Variants in RIMS2 observed in about 807,000 individuals in gnomAD.
The protein encoded by RIMS2 is regulating synaptic membrane exocytosis 2.
In RIMS2, 59 loss-of-function variants were observed where a neutral mutation model predicts 174.4. That is an observed-to-expected ratio of 0.34 (90% confidence interval 0.27 to 0.42). The LOEUF (loss-of-function observed/expected upper bound fraction) is 0.42, where lower values mean the gene tolerates loss of function less well. Ranked by LOEUF, RIMS2 falls within the 10% of genes least tolerant of loss-of-function variation. RIMS2 has a pLI of 1.00. For synonymous variants in RIMS2, 606 were observed against 572.5 expected (o/e 1.06, Z -0.84); for missense variants, 1,620 against 1,666.3 (o/e 0.97, Z 0.48).
At chr8:104,015,357 G>C in intron 19 of RIMS2, 1 of 645,302 alleles carries the variant, frequency 1.5e-6, no homozygotes, top group Non-Finnish European at 2.8e-6. Flanking sequence ...TTTAACCCCT[G>C]TGCTTTGGTT....
At chr8:103,598,251 G>A (rs2133607680) in intron 1 of RIMS2, among the ~76,000 whole-genome samples, 1 of 152,208 alleles carries the variant, frequency 6.6e-6, no homozygotes, top group South Asian at 2.1e-4. Context: ...GAGGTGCTTA[G>A]GTCAACTTAA....
chr8:104,243,300 G>A (rs545915079), intron 19 of RIMS2, among the ~76,000 whole-genome samples: 1 of 152,154 alleles, frequency 6.6e-6, no homozygotes, highest in African/African-American at 2.4e-5. Flanking sequence ...GAAATTTAAA[G>A]CAGTATTTCA....
At chr8:103,798,915 CT>C (rs376864472) in intron 3 of RIMS2, among the ~76,000 whole-genome samples, 3,272 of 134,590 alleles carry the variant, frequency 0.024, 46 homozygotes, top group Middle Eastern at 0.038. Flanking sequence ...AGGTAGAAAA[CT>C]TTTTTTTTTT....
intron 2 of RIMS2, among the ~76,000 whole-genome samples, chr8:103,753,114 T>A (rs529177944): frequency 2.0e-5 from 3 of 152,298 alleles, no homozygotes; most frequent in African/African-American, 7.2e-5. Context: ...ATCCCATCAA[T>A]ACCTAATTTA....
intron 19 of RIMS2, among the ~76,000 whole-genome samples, chr8:104,095,482 G>A (rs990326688): frequency 2.0e-5 from 3 of 152,098 alleles, no homozygotes; most frequent in African/African-American, 4.8e-5. Context: ...AAAAATACAG[G>A]CAGCATGGCA....
At chr8:103,724,604 G>A (rs146690794) in intron 2 of RIMS2, among the ~76,000 whole-genome samples, 9 of 152,148 alleles carry the variant, frequency 5.9e-5, no homozygotes, top group African/African-American at 2.2e-4. Flanking sequence ...TTGTGGAATA[G>A]TTTTTAAGTT....
chr8:104,181,829 C>A (rs2441891), intron 19 of RIMS2, among the ~76,000 whole-genome samples: 104,806 of 151,272 alleles, frequency 0.69, 36,777 homozygotes, highest in East Asian at 0.95. Flanking sequence ...ACATTTATAA[C>A]CATTTATTTC....
At position 103,718,897 on chromosome 8, in the gene RIMS2, G is replaced by A. The variant is rs111565634; in HGVS notation, c.387+21601G>A. 4.1e-4 allele frequency among the ~76,000 whole-genome samples: 63 copies of A among 152,144 alleles called. 1 individual carries two copies. The highest frequency in any genetic ancestry group is 1.5e-3 in the African/African-American group (63 of 41,510). ...CATGTTGGCCCGGCTGATCTCAAAT[G>A]CCTCGGCCTCCTGAAGTGCTGGGAT... On this transcript the variant is annotated intron_variant, in intron 2 of 23. Coordinates refer to ENST00000504942, the Ensembl canonical transcript of RIMS2.
chr8:103,800,563 T>C (rs997151943), intron 3 of RIMS2, among the ~76,000 whole-genome samples: 6 of 152,204 alleles, frequency 3.9e-5, no homozygotes, highest in African/African-American at 1.4e-4. Flanking sequence ...TGTCATTTGC[T>C]TTTTTTATGC....
At chr8:103,927,505 A>G (rs1326119543) in intron 10 of RIMS2, among the ~76,000 whole-genome samples, 2 of 151,472 alleles carry the variant, frequency 1.3e-5, no homozygotes. Flanking sequence ...TATGAAATTT[A>G]TTGATTCTTG....
At chr8:103,641,324 C>T (rs1167449130) in intron 1 of RIMS2, among the ~76,000 whole-genome samples, 3 of 152,018 alleles carry the variant, frequency 2.0e-5, no homozygotes, top group African/African-American at 4.8e-5. Flanking sequence ...AAGATTAAAT[C>T]AGTGTCATTG....
At chr8:103,863,860 AT>A (rs1304624379) in intron 3 of RIMS2, among the ~76,000 whole-genome samples, 1 of 138,350 alleles carries the variant, frequency 7.2e-6, no homozygotes, top group East Asian at 2.1e-4. Context: ...CAGTGTATCA[AT>A]TTTTTTCATA....
chr8:103,755,936 C>G (rs1005419048), intron 2 of RIMS2, among the ~76,000 whole-genome samples: 7 of 152,142 alleles, frequency 4.6e-5, no homozygotes, highest in African/African-American at 1.7e-4. Context: ...GTCAACTCAT[C>G]AAAGTCATTC....
At chr8:103,679,772 A>T (rs1007804017) in intron 1 of RIMS2, among the ~76,000 whole-genome samples, 5 of 151,962 alleles carry the variant, frequency 3.3e-5, no homozygotes, top group Non-Finnish European at 7.4e-5. Context: ...TTCTAAATTT[A>T]TATTTATTTA....
chr8:104,001,892 G>A (rs1264304788), intron 17 of RIMS2, among the ~76,000 whole-genome samples: 1 of 151,956 alleles, frequency 6.6e-6, no homozygotes, highest in African/African-American at 2.4e-5. Flanking sequence ...GTCATTTGTT[G>A]AGCTCTTAGT....
chr8:104,209,400 G>C (rs2099095494), intron 19 of RIMS2, among the ~76,000 whole-genome samples: 1 of 152,118 alleles, frequency 6.6e-6, no homozygotes, highest in South Asian at 2.1e-4. Context: ...GAAGAAGTTG[G>C]TAATAAAATA....
chr8:104,017,076 A>AT (rs1238239751), intron 19 of RIMS2, among the ~76,000 whole-genome samples: 1 of 151,942 alleles, frequency 6.6e-6, no homozygotes, highest in Non-Finnish European at 1.5e-5. Flanking sequence ...AGTATGGATG[A>AT]TTTTTTAAAG....
chr8:104,224,193 A>C (rs2099170783), intron 19 of RIMS2, among the ~76,000 whole-genome samples: 1 of 152,230 alleles, frequency 6.6e-6, no homozygotes. Context: ...ATGCAGCAGC[A>C]AAACTTTGAA....
At chr8:103,786,256 G>T (rs1374957048) in intron 3 of RIMS2, among the ~76,000 whole-genome samples, 2 of 151,976 alleles carry the variant, frequency 1.3e-5, no homozygotes, top group African/African-American at 4.8e-5. Flanking sequence ...AGGGTTTTTT[G>T]TGTCTCTATT....
Sources: allele counts gnomAD v4.1 joint callset (sites outside exome capture counted in the v4.1 genomes callset), GRCh38; gene constraint gnomAD v4.1.1; transcripts MANE v1.5; gene names NCBI Gene and HGNC (gene_info 2026-07-23, HGNC 2026-07-21).